Variants in RGS6 observed in about 807,000 individuals in gnomAD.
RGS6 encodes regulator of G protein signaling 6.
A neutral mutation model predicts 78.5 loss-of-function variants in RGS6; 30 were observed. That is an observed-to-expected ratio of 0.38 (90% CI 0.29 to 0.52). The LOEUF is 0.52. Among genes scored for constraint, RGS6 ranks in the 20% least tolerant of loss-of-function variants. The pLI, the probability that RGS6 is intolerant of heterozygous loss-of-function variation, is 0.85. For synonymous variants in RGS6, 206 were observed against 206.0 expected (o/e 1.00, Z 0.00); for missense variants, 495 against 609.7 (o/e 0.81, Z 1.98).
rs2094432592 is a variant in RGS6 at position 72,426,300 on chromosome 14, C to T, written c.185-28228C>T. Among the ~76,000 whole-genome samples, 3 of 152,268 alleles carry T rather than the reference C, an allele frequency of 2.0e-5. No homozygotes were observed. In the South Asian group the frequency reaches 6.2e-4, roughly 32 times the overall value. ...AAGTTACATGACTTATTCAATATCA[C>T]ATAATTAATAAAGAGTAAGACTGGC... On this transcript the variant is annotated intron_variant, in intron 3 of 17. Transcript: ENST00000553525.
rs537014633 is a variant in RGS6 at position 72,375,439 on chromosome 14, T to C, written c.184+23245T>C. Among the ~76,000 whole-genome samples the C allele has an allele frequency of 1.4e-4, 22 of 152,292 alleles. 1 individual carries two copies. Among genetic ancestry groups the C allele is most frequent in the Admixed American group, 6.5e-4 (10 of 15,300 alleles). ...GTTCCAAGCCTGAGAAACAGCACCA[T>C]GGGCCACCCCTGGCAGACACGTCCC... On this transcript the variant is annotated intron_variant, in intron 3 of 17. Transcript: ENST00000553525.
At chr14:71,942,821 A>G (rs888165151) in intron 1 of RGS6, among the ~76,000 whole-genome samples, 1 of 152,236 alleles carries the variant, frequency 6.6e-6, no homozygotes, top group African/African-American at 2.4e-5. Context: ...TATGTGTGGT[A>G]ACTTCAAAAA....
intron 2 of RGS6, among the ~76,000 whole-genome samples, chr14:72,145,847 A>G (rs930091780): frequency 6.6e-6 from 1 of 152,182 alleles, no homozygotes; most frequent in African/African-American, 2.4e-5. Flanking sequence ...GGAGATGTAT[A>G]GTAGAGGAAT....
intron 2 of RGS6, among the ~76,000 whole-genome samples, chr14:72,011,634 CA>C (rs2085754950): frequency 2.0e-5 from 3 of 152,056 alleles, no homozygotes; most frequent in Non-Finnish European, 1.5e-5. Flanking sequence ...CAACTATTTA[CA>C]TAGCATTTAT....
chr14:72,070,733 G>A (rs1329896849), intron 2 of RGS6, among the ~76,000 whole-genome samples: 1 of 152,194 alleles, frequency 6.6e-6, no homozygotes, highest in Admixed American at 6.5e-5. Context: ...CAAGCTTCCT[G>A]TTCCTTATGG....
At chr14:71,939,103 G>A (rs373782863) in intron 1 of RGS6, among the ~76,000 whole-genome samples, 4 of 152,104 alleles carry the variant, frequency 2.6e-5, no homozygotes, top group South Asian at 2.1e-4. Context: ...GCAGCCTTTC[G>A]GGTCACTCAA....
In RGS6 at chr14:72,256,899, C is replaced by G. The variant is rs112247064; in HGVS notation, c.85-95196C>G. ...ACAAATAACTACAGACAGCTGTCAACTTAGTGATGTTGAGATTGGGGCTAG... is the reference window on the plus strand; with the variant it reads ...ACAAATAACTACAGACAGCTGTCAAGTTAGTGATGTTGAGATTGGGGCTAG... On this transcript the variant is annotated intron_variant, in intron 2 of 17. Coordinates refer to ENST00000553525, the MANE Select transcript of RGS6 (RefSeq NM_001204424.2). Among the ~76,000 whole-genome samples the G allele has an allele frequency of 9.5e-3, 1,447 of 152,244 alleles. 11 individuals carry two copies. The highest frequency in any genetic ancestry group is 0.024 in the South Asian group (114 of 4,810).
chr14:72,124,365 G>T (rs1263704115), intron 2 of RGS6, among the ~76,000 whole-genome samples: 1 of 152,112 alleles, frequency 6.6e-6, no homozygotes, highest in Non-Finnish European at 1.5e-5. Flanking sequence ...CTTAATCAAG[G>T]TTTTTTCTTA....
the RGS6 span, among the ~76,000 whole-genome samples, chr14:71,896,056 A>G: frequency 4.6e-5 from 7 of 151,860 alleles, no homozygotes; most frequent in Admixed American, 4.6e-4. Flanking sequence ...TGGGGTGGAG[A>G]AGGGTGGGGA....
the RGS6 span, among the ~76,000 whole-genome samples, chr14:71,897,122 A>T: frequency 1.3e-5 from 2 of 152,196 alleles, no homozygotes; most frequent in East Asian, 3.8e-4. Flanking sequence ...AGTCCAAGAG[A>T]TATGTCTCTA....
At chr14:71,975,393 G>A (rs1449283716) in intron 2 of RGS6, among the ~76,000 whole-genome samples, 3 of 151,664 alleles carry the variant, frequency 2.0e-5, no homozygotes, top group Admixed American at 1.3e-4. Flanking sequence ...TTATTATAAG[G>A]TGTGATTTTC....
chr14:71,964,863 C>T lies in RGS6; in HGVS notation c.72C>T (p.Ile24=), dbSNP rs757753359. 6.8e-6 allele frequency: 11 copies of T among 1,613,634 alleles called. No homozygotes were observed. The highest frequency in any genetic ancestry group is 5.0e-5 in the Admixed American group (3 of 59,978). The change falls in exon 2 of 18, where the codon ATC becomes ATT. Residue 24 remains isoleucine, a synonymous_variant. Transcript: ENST00000553525. ...ADPEESSPNM[I]VYCKIEDIIT... ...CAGAGGAGAGTTCTCCAAACATGAT[C>T]GTTTACTGCAAAGTAAGGCGCCTGG... is the stretch of plus-strand genomic sequence containing the variant.
the RGS6 span, among the ~76,000 whole-genome samples, chr14:71,911,549 C>T: frequency 6.6e-6 from 1 of 152,292 alleles, no homozygotes; most frequent in Admixed American, 6.5e-5. Context: ...AATCCTAACA[C>T]CAGTGAATTC....
At chr14:72,549,935 G>T (rs1365886569) in intron 17 of RGS6, among the ~76,000 whole-genome samples, 1 of 152,098 alleles carries the variant, frequency 6.6e-6, no homozygotes, top group Non-Finnish European at 1.5e-5. Context: ...CCCTCCTCTA[G>T]GGCCCTGCCA....
rs778129373 is a variant in RGS6, at chr14:72,476,783, G to A, written c.735G>A (p.Pro245=). 38 of 1,614,058 alleles carry A rather than the reference G, an allele frequency of 2.4e-5. No homozygotes were observed. Among genetic ancestry groups the A allele is most frequent in the Admixed American group, 5.0e-5 (3 of 60,008 alleles). Residue 245 remains proline, a synonymous_variant, in exon 11 of 18, where the codon CCG becomes CCA. Transcript: ENST00000553525. ...GVTEESQAQS[P]VHVLSQPIRK... is the part of the protein sequence containing the mutation. ...CTGAAGAGTCCCAGGCACAGAGCCC[G>A]GTGCATGTACTCAGCCAACCAATCA... is the stretch of plus-strand genomic sequence containing the variant.
the RGS6 span, among the ~76,000 whole-genome samples, chr14:71,882,253 C>T: frequency 4.6e-5 from 7 of 152,256 alleles, no homozygotes; most frequent in South Asian, 4.1e-4. Context: ...AAGTTTTATC[C>T]GTGCTGTAGT....
intron 2 of RGS6, among the ~76,000 whole-genome samples, chr14:72,001,205 G>A (rs979076642): frequency 2.0e-5 from 3 of 152,086 alleles, no homozygotes; most frequent in South Asian, 2.1e-4. Context: ...ACATGTATTC[G>A]TCCCAGTCTG....
At chr14:72,255,248 C>T (rs1040384393) in intron 2 of RGS6, among the ~76,000 whole-genome samples, 2 of 152,078 alleles carry the variant, frequency 1.3e-5, no homozygotes, top group Non-Finnish European at 2.9e-5. Context: ...CATACCTGGC[C>T]CCAGGGTGAT....
chr14:72,305,107 G>A (rs147444033), intron 2 of RGS6, among the ~76,000 whole-genome samples: 1 of 152,212 alleles, frequency 6.6e-6, no homozygotes, highest in Non-Finnish European at 1.5e-5. Context: ...CTTTTCATAT[G>A]CTTACAAGTC....
Sources: allele counts gnomAD v4.1 joint callset (sites outside exome capture counted in the v4.1 genomes callset), GRCh38; gene constraint gnomAD v4.1.1; transcripts MANE v1.5; gene names NCBI Gene and HGNC (gene_info 2026-07-23, HGNC 2026-07-21).